Variants in RASA2 observed in about 807,000 individuals in gnomAD.
RASA2 encodes ras GTPase-activating protein 2.
A neutral mutation model predicts 118.2 loss-of-function variants in RASA2; 155 were observed. The observed-to-expected ratio is 1.31, with a 90% CI of 1.15 to 1.50. The LOEUF is 1.50. RASA2 is among the 40% of genes most tolerant of loss of function. The probability of loss-of-function intolerance (pLI) is 0.00; values close to 1 mark genes in which losing one functional copy is unlikely to be tolerated. For missense variants in RASA2, 1,016 were observed against 1,009.6 expected, an observed-to-expected ratio of 1.01 and a Z score of -0.09; for synonymous variants, 353 against 349.1, an observed-to-expected ratio of 1.01 and a Z score of -0.12.
At chr3:141,577,211 C>A in intron 15 of RASA2, 105 bp downstream of exon 15, 2 of 821,714 alleles carry the variant, frequency 2.4e-6, no homozygotes, top group Non-Finnish European at 3.7e-6. Context: ...TTTCTTATAA[C>A]TGATACTTAA....
chr3:141,495,574 T>C (rs2081690883), intron 1 of RASA2, among the ~76,000 whole-genome samples: 1 of 152,216 alleles, frequency 6.6e-6, no homozygotes, highest in South Asian at 2.1e-4. Context: ...TCTCAGTCTT[T>C]GGTGAGGGTT....
intron 4 of RASA2, among the ~76,000 whole-genome samples, chr3:141,536,327 A>C (rs1041381631): frequency 2.6e-5 from 4 of 152,166 alleles, no homozygotes; most frequent in African/African-American, 9.7e-5. Flanking sequence ...TATTACGAGA[A>C]TAGCACAGGA....
chr3:141,597,008 C>T (rs969014192), intron 19 of RASA2, among the ~76,000 whole-genome samples: 3 of 152,148 alleles, frequency 2.0e-5, no homozygotes, highest in Admixed American at 2.0e-4. Flanking sequence ...ATGTTCAGAG[C>T]AGCGTTATTC....
chr3:141,586,962 G>A (rs995506936), intron 19 of RASA2: 31 of 580,940 alleles, frequency 5.3e-5, no homozygotes, highest in Non-Finnish European at 9.0e-5. Flanking sequence ...TTGAGTTTCT[G>A]AAAATGGTGT....
intron 5 of RASA2, among the ~76,000 whole-genome samples, chr3:141,543,896 T>TA (rs1426259386): frequency 7.7e-6 from 1 of 129,892 alleles, no homozygotes; most frequent in Non-Finnish European, 1.7e-5. Flanking sequence ...TTTTTTTTGA[T>TA]ATGGAGTCTA....
chr3:141,499,223 T>G (rs1258489060), intron 1 of RASA2, among the ~76,000 whole-genome samples: 1 of 152,216 alleles, frequency 6.6e-6, no homozygotes, highest in Non-Finnish European at 1.5e-5. Context: ...TCTGTAGACT[T>G]TATCACTGAG....
At chr3:141,562,734 G>A (rs538759836) in intron 9 of RASA2, among the ~76,000 whole-genome samples, 71 of 150,634 alleles carry the variant, frequency 4.7e-4, no homozygotes, top group Non-Finnish European at 2.4e-4. Flanking sequence ...GTGCAGTAGC[G>A]CCATCTTGGC....
At chr3:141,492,584 G>A (rs2081651888) in intron 1 of RASA2, among the ~76,000 whole-genome samples, 1 of 152,154 alleles carries the variant, frequency 6.6e-6, no homozygotes, top group Non-Finnish European at 1.5e-5. Context: ...ACCTTGCTGA[G>A]CCCGTATTTC....
intron 19 of RASA2, among the ~76,000 whole-genome samples, chr3:141,596,415 C>T (rs999380487): frequency 6.6e-6 from 1 of 151,924 alleles, no homozygotes. Flanking sequence ...AATCTTTGAG[C>T]CTTTATAGGT....
chr3:141,587,713 CAA>C (rs1156964232), intron 19 of RASA2, among the ~76,000 whole-genome samples: 11 of 55,820 alleles, frequency 2.0e-4, no homozygotes, highest in African/African-American at 3.0e-4. Flanking sequence ...GACTCCATCT[CAA>C]AAAAAAAAAA....
At chr3:141,565,438 C>A (rs1157760867) in intron 9 of RASA2, among the ~76,000 whole-genome samples, 1 of 152,200 alleles carries the variant, frequency 6.6e-6, no homozygotes, top group Non-Finnish European at 1.5e-5. Flanking sequence ...TTGGCTGTGT[C>A]CCTACCCAAA....
intron 1 of RASA2, among the ~76,000 whole-genome samples, chr3:141,499,151 A>G (rs766465351): frequency 5.3e-5 from 8 of 152,222 alleles, no homozygotes; most frequent in Non-Finnish European, 1.2e-4. Context: ...ATAGCAGTGT[A>G]GATAACTGTA....
chr3:141,488,382 G>A lies in RASA2; in HGVS notation c.133+1166G>A, dbSNP rs190794269. ...GAAGAAAATTGACTTGCATTAAAGTGGCTAACAATTCTTTCCTGGGCAGGA... is the reference window on the plus strand; with the variant it reads ...GAAGAAAATTGACTTGCATTAAAGTAGCTAACAATTCTTTCCTGGGCAGGA... On this transcript the variant is annotated intron_variant, in intron 1 of 23. Coordinates refer to ENST00000286364, the MANE Select transcript of RASA2 (RefSeq NM_006506.5). Among the ~76,000 whole-genome samples the A allele has an allele frequency of 1.1e-4, 16 of 152,258 alleles. No homozygotes were observed. In the East Asian group the frequency reaches 1.4e-3, roughly 13 times the overall value.
At chr3:141,491,114 C>T (rs1000189056) in intron 1 of RASA2, among the ~76,000 whole-genome samples, 5 of 152,230 alleles carry the variant, frequency 3.3e-5, no homozygotes, top group East Asian at 1.9e-4. Context: ...CTTCATATGG[C>T]GTTAGCCAGC....
At chr3:141,575,768 C>T (rs2083000517) in intron 14 of RASA2, among the ~76,000 whole-genome samples, 1 of 152,176 alleles carries the variant, frequency 6.6e-6, no homozygotes, top group Non-Finnish European at 1.5e-5. Flanking sequence ...TGATCTTAAA[C>T]ACTTTATGGG....
intron 1 of RASA2, among the ~76,000 whole-genome samples, chr3:141,490,784 A>G (rs1339524066): frequency 6.6e-6 from 1 of 152,200 alleles, no homozygotes; most frequent in Non-Finnish European, 1.5e-5. Context: ...ATCTTCACCT[A>G]ATTTCCAACT....
intron 3 of RASA2, among the ~76,000 whole-genome samples, chr3:141,520,833 A>T (rs929173712): frequency 2.0e-5 from 3 of 152,216 alleles, no homozygotes; most frequent in Admixed American, 2.0e-4. Flanking sequence ...GGTTAGAGGC[A>T]GGAAGACCAA....
At chr3:141,526,361 C>G (rs889914810) in intron 3 of RASA2, among the ~76,000 whole-genome samples, 8 of 151,392 alleles carry the variant, frequency 5.3e-5, no homozygotes, top group African/African-American at 1.7e-4. Context: ...ATTTGTGTTT[C>G]AGAAACTTGT....
chr3:141,515,970 A>G (rs1401435576), intron 2 of RASA2, among the ~76,000 whole-genome samples: 1 of 145,788 alleles, frequency 6.9e-6, no homozygotes, highest in Admixed American at 7.2e-5. Flanking sequence ...CAAACACCAC[A>G]TGTTCTCACT....
Sources: allele counts gnomAD v4.1 joint callset (sites outside exome capture counted in the v4.1 genomes callset), GRCh38; gene constraint gnomAD v4.1.1; transcripts MANE v1.5; gene names NCBI Gene and HGNC (gene_info 2026-07-23, HGNC 2026-07-21).